The following LEKR1 variants were observed in gnomAD, a reference collection of about 807,000 sequenced individuals.
LEKR1 encodes the protein leucine, glutamate and lysine rich 1, also known as protein LEKR1.
LEKR1 carries 59 observed loss-of-function variants against 72.4 expected under a neutral mutation model. That is an observed-to-expected ratio of 0.82 (90% CI 0.66 to 1.01). The LOEUF (loss-of-function observed/expected upper bound fraction) is 1.01, where lower values mean the gene tolerates loss of function less well. Ranked by LOEUF, LEKR1 falls within the 50% of genes least tolerant of loss-of-function variation. The pLI is 0.00. For synonymous variants in LEKR1, 257 were observed against 263.2 expected, an observed-to-expected ratio of 0.98 and a Z score of 0.23; for missense variants, 728 against 759.2, an observed-to-expected ratio of 0.96 and a Z score of 0.48.
chr3:156,833,029 T>C (rs1263310269), intron 2 of LEKR1, among the ~76,000 whole-genome samples: 1 of 152,222 alleles, frequency 6.6e-6, no homozygotes. Context: ...GAAAGAAATA[T>C]GCTCCAAAGT....
At chr3:156,874,517 G>T in intron 3 of LEKR1, among the ~76,000 whole-genome samples, 1 of 148,432 alleles carries the variant, frequency 6.7e-6, no homozygotes, top group Admixed American at 7.0e-5. Context: ...CCCTTGGCTT[G>T]TTATATGTGA....
chr3:156,899,552 A>G (rs1178991259), intron 3 of LEKR1, among the ~76,000 whole-genome samples: 1 of 134,312 alleles, frequency 7.4e-6, no homozygotes. Flanking sequence ...ATATATACAC[A>G]TATATACATA....
chr3:156,887,324 C>T (rs1211198762), intron 3 of LEKR1, among the ~76,000 whole-genome samples: 1 of 151,948 alleles, frequency 6.6e-6, no homozygotes, highest in Non-Finnish European at 1.5e-5. Flanking sequence ...CCTTGAGGTG[C>T]ACAGTGCAGG....
At position 156,906,921 on chromosome 3, in the gene LEKR1, T is replaced by C. The variant is rs146907862; in HGVS notation, c.264-13654T>C. On this transcript the variant is annotated intron_variant, in intron 3 of 12. Transcript: ENST00000356539. ...TGAGAATTCTTTTCTGAGTGAATGT[T>C]AATAGCTGGAATGGGCTTCTATTAA... is the stretch of plus-strand genomic sequence containing the variant. 9.2e-3 allele frequency among the ~76,000 whole-genome samples: 1,399 copies of C among 152,262 alleles called. 18 individuals carry two copies. The highest frequency in any genetic ancestry group is 0.032 in the African/African-American group (1,317 of 41,580).
intron 3 of LEKR1, among the ~76,000 whole-genome samples, chr3:156,880,548 C>T (rs938654565): frequency 6.6e-6 from 1 of 152,172 alleles, no homozygotes; most frequent in African/African-American, 2.4e-5. Context: ...CAGATGGATT[C>T]ACAGCTGAAT....
intron 9 of LEKR1, among the ~76,000 whole-genome samples, chr3:157,006,160 C>CGG: frequency 6.6e-6 from 1 of 151,956 alleles, no homozygotes; most frequent in Admixed American, 6.5e-5. Context: ...CGCCCGCCAC[C>CGG]GCGCCCGGCT....
At chr3:156,944,308 G>A (rs1430415059) in intron 6 of LEKR1, among the ~76,000 whole-genome samples, 4 of 151,544 alleles carry the variant, frequency 2.6e-5, no homozygotes, top group African/African-American at 9.7e-5. Context: ...TATATTTATA[G>A]GATACATGAG....
intron 2 of LEKR1, among the ~76,000 whole-genome samples, chr3:156,846,967 C>T (rs1160733093): frequency 2.6e-5 from 4 of 152,164 alleles, no homozygotes; most frequent in Admixed American, 1.3e-4. Context: ...CGCACACCAC[C>T]ACGCCTGGCT....
At chr3:156,894,421 A>G (rs1720974756) in intron 3 of LEKR1, among the ~76,000 whole-genome samples, 1 of 152,226 alleles carries the variant, frequency 6.6e-6, no homozygotes. Flanking sequence ...TTATGTTTGG[A>G]AAATATTCTG....
chr3:156,915,411 C>T (rs900518560), intron 3 of LEKR1, among the ~76,000 whole-genome samples: 3 of 148,082 alleles, frequency 2.0e-5, no homozygotes, highest in African/African-American at 7.6e-5. Context: ...ACCTTGCCAG[C>T]ATCTGTTATT....
chr3:157,003,918 G>C (rs1236067769), intron 9 of LEKR1, among the ~76,000 whole-genome samples: 1 of 151,992 alleles, frequency 6.6e-6, no homozygotes, highest in Non-Finnish European at 1.5e-5. Flanking sequence ...AGAAAGAAGG[G>C]AAAGGGAAGA....
intron 3 of LEKR1, among the ~76,000 whole-genome samples, chr3:156,857,712 C>CT (rs1406986150): frequency 1.3e-5 from 2 of 152,122 alleles, no homozygotes; most frequent in African/African-American, 2.4e-5. Flanking sequence ...TTCTGTAACA[C>CT]TAACAAAATT....
chr3:156,990,750 A>G (rs1428395673), intron 7 of LEKR1, among the ~76,000 whole-genome samples: 1 of 152,178 alleles, frequency 6.6e-6, no homozygotes, highest in African/African-American at 2.4e-5. Flanking sequence ...CTGAAATTAG[A>G]ATATTATGTC....
chr3:156,839,161 C>T lies in LEKR1; in HGVS notation c.48+9784C>T, dbSNP rs4580503. ...ATCAGGACTGCCCTTATCTATAAAA[C>T]TGCTAATCTCTAGCCTTGATGGGAA... On this transcript the variant is annotated intron_variant, in intron 2 of 12. Transcript: ENST00000356539. Among the ~76,000 whole-genome samples the T allele has an allele frequency of 8.1e-3, 1,238 of 152,328 alleles. 23 individuals are homozygous for T. Among genetic ancestry groups the T allele is most frequent in the African/African-American group, 0.029 (1,200 of 41,564 alleles).
At chr3:157,039,453 T>C (rs1735195533) in intron 12 of LEKR1, among the ~76,000 whole-genome samples, 1 of 152,042 alleles carries the variant, frequency 6.6e-6, no homozygotes, top group Non-Finnish European at 1.5e-5. Context: ...ACCCTGTTTT[T>C]ACAGAAAATA....
At chr3:157,037,135 T>C (rs1227039235) in intron 12 of LEKR1, among the ~76,000 whole-genome samples, 2 of 152,148 alleles carry the variant, frequency 1.3e-5, no homozygotes, top group Admixed American at 1.3e-4. Context: ...TTCCATTCCA[T>C]GCAGTCAATA....
intron 5 of LEKR1, among the ~76,000 whole-genome samples, chr3:156,934,373 T>C (rs1725512513): frequency 6.6e-6 from 1 of 152,184 alleles, no homozygotes; most frequent in Non-Finnish European, 1.5e-5. Flanking sequence ...TTCCTGATAA[T>C]ATTTATATTA....
chr3:156,949,302 A>C (rs961654767), intron 6 of LEKR1, among the ~76,000 whole-genome samples: 1 of 151,540 alleles, frequency 6.6e-6, no homozygotes, highest in Admixed American at 6.6e-5. Flanking sequence ...TGGGTTTTAC[A>C]TTCAAGTCTT....
chr3:157,046,029 T>G lies in LEKR1; in HGVS notation c.*279T>G. Reference sequence around the variant, plus strand: ...AATGTGCTCTATGAATATAGCCTTTTAGAGATCACAGGTAAAATTTTTCAC... The same window carrying G: ...AATGTGCTCTATGAATATAGCCTTTGAGAGATCACAGGTAAAATTTTTCAC... On this transcript the variant is annotated 3_prime_UTR_variant, in exon 13 of 13. Transcript: ENST00000356539. 1 of 310,604 alleles carries G rather than the reference T, an allele frequency of 3.2e-6. No individual in the cohort carries two copies. Among genetic ancestry groups the G allele is most frequent in the Non-Finnish European group, 5.9e-6 (1 of 169,548 alleles). 19.2% of individuals were successfully genotyped at this position (310,604 alleles called of 1,614,324 possible).
Sources: allele counts gnomAD v4.1 joint callset (sites outside exome capture counted in the v4.1 genomes callset), GRCh38; gene constraint gnomAD v4.1.1; transcripts MANE v1.5; gene names NCBI Gene and HGNC (gene_info 2026-07-23, HGNC 2026-07-21).